Variants in DIAPH3 observed in about 807,000 individuals in gnomAD.
DIAPH3 encodes protein diaphanous homolog 3.
DIAPH3 carries 117 observed loss-of-function variants against 144.3 expected under a neutral mutation model. The observed-to-expected ratio is 0.81, with a 90% confidence interval of 0.70 to 0.95. The LOEUF (loss-of-function observed/expected upper bound fraction) is 0.95. Among genes scored for constraint, DIAPH3 ranks in the 40% least tolerant of loss-of-function variants. The probability of loss-of-function intolerance (pLI) is 0.00; values close to 1 mark genes in which losing one functional copy is unlikely to be tolerated. For missense variants in DIAPH3, 1,421 were observed against 1,412.7 expected (o/e 1.01, Z -0.09); for synonymous variants, 519 against 488.9 (o/e 1.06, Z -0.81).
At chr13:60,151,036 T>TCCCA (rs1309011339) in intron 1 of DIAPH3, among the ~76,000 whole-genome samples, 4 of 149,362 alleles carry the variant, frequency 2.7e-5, no homozygotes, top group African/African-American at 9.9e-5. Context: ...CTGGTGTGTG[T>TCCCA]CCCACTGCAA....
At chr13:59,891,436 A>G (rs981608891) in intron 20 of DIAPH3, among the ~76,000 whole-genome samples, 4 of 149,992 alleles carry the variant, frequency 2.7e-5, no homozygotes, top group African/African-American at 7.4e-5. Flanking sequence ...AAAAAACCCC[A>G]AAAATTATCA....
At chr13:60,134,386 TA>T (rs1369876747) in intron 1 of DIAPH3, among the ~76,000 whole-genome samples, 7 of 152,114 alleles carry the variant, frequency 4.6e-5, no homozygotes, top group Non-Finnish European at 1.0e-4. Flanking sequence ...CGGTGGTCCT[TA>T]AAAGTGGTTG....
At chr13:59,882,341 G>A (rs1205023900) in intron 20 of DIAPH3, among the ~76,000 whole-genome samples, 2 of 152,062 alleles carry the variant, frequency 1.3e-5, no homozygotes, top group African/African-American at 4.8e-5. Context: ...CCACCCACTT[G>A]GGCTTCCCAA....
intron 18 of DIAPH3, among the ~76,000 whole-genome samples, chr13:59,922,985 T>C (rs2140295598): frequency 6.6e-6 from 1 of 152,266 alleles, no homozygotes; most frequent in African/African-American, 2.4e-5. Flanking sequence ...CCTATACTGT[T>C]AATGCTAATA....
chr13:60,028,620 A>C (rs1041479745), intron 5 of DIAPH3, among the ~76,000 whole-genome samples: 1 of 151,912 alleles, frequency 6.6e-6, no homozygotes, highest in African/African-American at 2.4e-5. Context: ...TCTCCATACA[A>C]CCTGCCCACA....
chr13:59,949,338 A>G (rs1204465153), intron 17 of DIAPH3, among the ~76,000 whole-genome samples: 2 of 152,182 alleles, frequency 1.3e-5, no homozygotes, highest in Non-Finnish European at 2.9e-5. Flanking sequence ...GTTTAGCAAC[A>G]TTTAGTCACA....
At chr13:59,984,254 T>C (rs1329098586) in intron 12 of DIAPH3, among the ~76,000 whole-genome samples, 1 of 151,740 alleles carries the variant, frequency 6.6e-6, no homozygotes, top group Non-Finnish European at 1.5e-5. Flanking sequence ...ATTAATTCAC[T>C]TCATTAATAC....
chr13:59,975,558 G>C (rs1245460665), intron 14 of DIAPH3, among the ~76,000 whole-genome samples: 3 of 151,880 alleles, frequency 2.0e-5, no homozygotes, highest in Non-Finnish European at 4.4e-5. Flanking sequence ...TAGGTTCACG[G>C]CAAAACTGAG....
At position 59,937,041 on chromosome 13, in the gene DIAPH3, T is replaced by C. The variant is rs1298752309; in HGVS notation, c.2075-12171A>G. On this transcript the variant is annotated intron_variant, in intron 17 of 27. Coordinates refer to ENST00000400324, the MANE Select transcript of DIAPH3 (RefSeq NM_001042517.2). Reference sequence around the variant, plus strand: ...AGCTGGGCGTGGTGGCGGGTTCCTGTTGTCGCAGCTACTCGGGAGGCTGAG... The same window carrying C: ...AGCTGGGCGTGGTGGCGGGTTCCTGCTGTCGCAGCTACTCGGGAGGCTGAG... Among the ~76,000 whole-genome samples the C allele has an allele frequency of 2.6e-5, 4 of 151,884 alleles. No individual in the cohort carries two copies. The East Asian group carries it at 7.7e-4, about 29-fold the overall frequency.
At chr13:59,940,375 C>T (rs1293531853) in intron 17 of DIAPH3, among the ~76,000 whole-genome samples, 2 of 152,140 alleles carry the variant, frequency 1.3e-5, no homozygotes, top group Non-Finnish European at 2.9e-5. Context: ...TCTTTAAATG[C>T]TTCATGAAAA....
At chr13:60,089,359 T>A (rs181331714) in intron 4 of DIAPH3, among the ~76,000 whole-genome samples, 2 of 152,200 alleles carry the variant, frequency 1.3e-5, no homozygotes, top group African/African-American at 4.8e-5. Flanking sequence ...TAAGGGAAGA[T>A]AAGATTAAAA....
chr13:59,916,176 C>G lies in DIAPH3; in HGVS notation c.2244G>C (p.Arg748=). The G allele has an allele frequency of 6.2e-7, 1 of 1,613,098 alleles. No homozygotes were observed. The highest frequency in any genetic ancestry group is 8.5e-7 in the Non-Finnish European group (1 of 1,179,372). ...TTACCTGAATCATAGACTCTGCCAA[C>G]CGTGTTTCATCTACTTCCAATATCA... is the stretch of plus-strand genomic sequence containing the variant. ...RMMILEVDET[R]LAESMIQNLI... is the part of the protein sequence containing the mutation. Residue 748 remains arginine (R), a synonymous_variant, in exon 19 of 28, where the codon CGG becomes CGC. Transcript: ENST00000400324.
chr13:60,032,894 G>A (rs753507571), intron 5 of DIAPH3, among the ~76,000 whole-genome samples: 3 of 152,130 alleles, frequency 2.0e-5, no homozygotes, highest in Non-Finnish European at 2.9e-5. Flanking sequence ...TCTTCTTCCT[G>A]TTCAAATATA....
chr13:60,138,097 A>T (rs2059337491), intron 1 of DIAPH3, among the ~76,000 whole-genome samples: 1 of 152,186 alleles, frequency 6.6e-6, no homozygotes, highest in Admixed American at 6.5e-5. Flanking sequence ...AAAGACTCAG[A>T]CACAATTTTC....
intron 4 of DIAPH3, among the ~76,000 whole-genome samples, chr13:60,073,116 C>T (rs1485606175): frequency 6.6e-6 from 1 of 152,074 alleles, no homozygotes; most frequent in African/African-American, 2.4e-5. Context: ...CAAGACCAGG[C>T]TGGTAGACAT....
intron 20 of DIAPH3, among the ~76,000 whole-genome samples, chr13:59,896,047 T>G (rs2046075142): frequency 6.6e-6 from 1 of 152,182 alleles, no homozygotes; most frequent in African/African-American, 2.4e-5. Flanking sequence ...TATCAAGAAC[T>G]CTGTGCCTAA....
chr13:59,688,817 AC>A (rs2033351848), intron 27 of DIAPH3, among the ~76,000 whole-genome samples: 1 of 152,054 alleles, frequency 6.6e-6, no homozygotes, highest in Non-Finnish European at 1.5e-5. Context: ...GCTACCAAGT[AC>A]CCATTTAGTG....
intron 27 of DIAPH3, among the ~76,000 whole-genome samples, chr13:59,749,317 G>C (rs967308513): frequency 6.7e-6 from 1 of 149,284 alleles, no homozygotes; most frequent in African/African-American, 2.5e-5. Flanking sequence ...TCAGGAGATC[G>C]AGACCATCCT....
rs1022568051 is a variant in DIAPH3, at chr13:60,013,167, T to C, written c.772-2498A>G. 5.1e-6 allele frequency: 5 copies of C among 985,350 alleles called. No individual in the cohort carries two copies. The African/African-American group carries it at 7.0e-5, about 14-fold the overall frequency. 61.0% of individuals were successfully genotyped at this position (985,350 alleles called of 1,614,324 possible). On this transcript the variant is annotated intron_variant, in intron 7 of 27. Coordinates refer to ENST00000400324, the MANE Select transcript of DIAPH3 (RefSeq NM_001042517.2). The stretch of plus-strand genomic sequence containing the variant: ...TGTCAAGGACCCACTCCGGACAATA[T>C]GGTAACTGGCCTGTTCTAAACTGAG...
Sources: allele counts gnomAD v4.1 joint callset (sites outside exome capture counted in the v4.1 genomes callset), GRCh38; gene constraint gnomAD v4.1.1; transcripts MANE v1.5; gene names NCBI Gene and HGNC (gene_info 2026-07-23, HGNC 2026-07-21).